PCDH15: variants seen among roughly 807,000 people sequenced by gnomAD.
PCDH15 encodes protocadherin-15.
In PCDH15, 129 loss-of-function variants were observed where a neutral mutation model predicts 178.5. The observed-to-expected ratio is 0.72, with a 90% CI of 0.63 to 0.84. The LOEUF (loss-of-function observed/expected upper bound fraction) is 0.84, where lower values mean the gene tolerates loss of function less well. PCDH15 is among the 40% of genes least tolerant of loss of function. The pLI is 0.00. For synonymous variants in PCDH15, 800 were observed against 732.0 expected (o/e 1.09, Z -1.50); for missense variants, 2,230 against 2,099.9 (o/e 1.06, Z -1.21).
At chr10:54,672,649 T>C (rs2094697002) in intron 1 of PCDH15, among the ~76,000 whole-genome samples, 1 of 152,200 alleles carries the variant, frequency 6.6e-6, no homozygotes, top group African/African-American at 2.4e-5. Flanking sequence ...GCCAACAATC[T>C]AAATGAGCTT....
intron 18 of PCDH15, among the ~76,000 whole-genome samples, chr10:54,034,669 A>G (rs1352272436): frequency 6.6e-6 from 1 of 151,904 alleles, no homozygotes; most frequent in East Asian, 1.9e-4. Context: ...CTTTTGAATT[A>G]GAAGTTATGA....
intron 2 of PCDH15, among the ~76,000 whole-genome samples, chr10:54,640,292 AT>A (rs544999278): frequency 0.014 from 2,029 of 146,256 alleles, 40 homozygotes; most frequent in African/African-American, 0.043. Context: ...CTTCCTGATA[AT>A]TTTTTTTTTT....
intron 3 of PCDH15, among the ~76,000 whole-genome samples, chr10:54,442,414 C>CTT (rs1491511066): frequency 0.095 from 1,807 of 19,040 alleles, 314 homozygotes; most frequent in Non-Finnish European, 0.12. Flanking sequence ...GCCTTAAAGG[C>CTT]TATATATATA....
intron 2 of PCDH15, among the ~76,000 whole-genome samples, chr10:55,074,143 C>T (rs1338336345): frequency 3.9e-5 from 6 of 151,966 alleles, no homozygotes; most frequent in Admixed American, 2.0e-4. Context: ...TCCATGTCTT[C>T]GCTATTGTGA....
chr10:54,152,521 A>G (rs770526213), intron 14 of PCDH15, among the ~76,000 whole-genome samples: 2 of 152,030 alleles, frequency 1.3e-5, no homozygotes, highest in Non-Finnish European at 2.9e-5. Context: ...TTCATTGTGA[A>G]TGGAAAAAAA....
intron 2 of PCDH15, among the ~76,000 whole-genome samples, chr10:54,952,431 GT>G (rs1175982354): frequency 1.3e-5 from 2 of 151,750 alleles, no homozygotes; most frequent in Non-Finnish European, 2.9e-5. Flanking sequence ...TTGAAGTCAG[GT>G]TGTGTTGTTT....
intron 2 of PCDH15, among the ~76,000 whole-genome samples, chr10:55,080,800 C>T (rs959280123): frequency 1.3e-5 from 2 of 152,164 alleles, no homozygotes; most frequent in African/African-American, 4.8e-5. Flanking sequence ...TGCTCACTTT[C>T]TACATGTGAG....
intron 1 of PCDH15, among the ~76,000 whole-genome samples, chr10:55,237,591 A>G (rs1295770307): frequency 6.6e-6 from 1 of 152,122 alleles, no homozygotes; most frequent in Non-Finnish European, 1.5e-5. Flanking sequence ...CAAAGAGATC[A>G]TTCTAAATTT....
chr10:53,810,611 T>C lies in PCDH15; in HGVS notation c.4616A>G (p.Gln1539Arg), dbSNP rs868658176. The C allele has an allele frequency of 3.7e-6, 6 of 1,613,762 alleles. No individual in the cohort carries two copies. The Admixed American group carries it at 6.7e-5, about 18-fold the overall frequency. Residue 1539 changes from glutamine to arginine, a missense_variant, in exon 37 of 38, where the codon CAG (glutamine) becomes CGG (arginine). Gln to Arg is a conservative substitution (Grantham distance 43). Transcript: ENST00000644397. ...SRRRLLPPAG[Q>R]EEYGEVVGEA... Reference sequence around the variant, plus strand: ...ACCAACCACCTCACCATATTCCTCCTGTCCAGCTGGTGGTAACAATCGACG... The same window carrying C: ...ACCAACCACCTCACCATATTCCTCCCGTCCAGCTGGTGGTAACAATCGACG...
At chr10:54,933,859 T>C (rs1370847059) in intron 2 of PCDH15, among the ~76,000 whole-genome samples, 3 of 152,156 alleles carry the variant, frequency 2.0e-5, no homozygotes, top group African/African-American at 7.2e-5. Context: ...ATTAAATCCT[T>C]ATCCGTAGAC....
intron 2 of PCDH15, among the ~76,000 whole-genome samples, chr10:54,542,474 G>A (rs560345650): frequency 1.3e-5 from 2 of 152,232 alleles, no homozygotes; most frequent in South Asian, 4.1e-4. Context: ...GGAATGAGTA[G>A]GGACTGTGGC....
In PCDH15 at chr10:55,281,466, G is replaced by A. The variant is rs185605974; in HGVS notation, c.-156+38133C>T. Among the ~76,000 whole-genome samples the A allele has an allele frequency of 2.3e-3, 335 of 148,716 alleles. 2 individuals are homozygous for A. The highest frequency in any genetic ancestry group is 6.7e-3 in the African/African-American group (271 of 40,240). On this transcript the variant is annotated intron_variant, in intron 1 of 5. Coordinates refer to the PCDH15 transcript ENST00000458638. ...TTTTAATAAAACTCTTACCATCTCC[G>A]ACATGAGAATCTCTCTTTTTCTTTC...
At chr10:53,812,455 A>G (rs1426275100) in intron 35 of PCDH15, among the ~76,000 whole-genome samples, 1 of 151,936 alleles carries the variant, frequency 6.6e-6, no homozygotes, top group Non-Finnish European at 1.5e-5. Context: ...CCTCGTGATC[A>G]GCCCCAATCG....
intron 2 of PCDH15, among the ~76,000 whole-genome samples, chr10:55,081,091 T>G (rs1190436295): frequency 6.6e-6 from 1 of 152,106 alleles, no homozygotes; most frequent in African/African-American, 2.4e-5. Context: ...AGGAGGCTTC[T>G]TATGGTCAGG....
intron 1 of PCDH15, among the ~76,000 whole-genome samples, chr10:54,685,554 A>G (rs890794211): frequency 1.3e-5 from 2 of 152,180 alleles, no homozygotes; most frequent in Non-Finnish European, 2.9e-5. Flanking sequence ...CCACCATTGT[A>G]TATGTTGTAC....
chr10:55,190,274 A>C (rs1363664946), intron 1 of PCDH15, among the ~76,000 whole-genome samples: 1 of 150,334 alleles, frequency 6.7e-6, no homozygotes, highest in Non-Finnish European at 1.5e-5. Flanking sequence ...TAAAAAAAAA[A>C]CTTCTGCTGT....
At chr10:53,973,380 T>G (rs2089921829) in intron 21 of PCDH15, among the ~76,000 whole-genome samples, 1 of 151,992 alleles carries the variant, frequency 6.6e-6, no homozygotes, top group Admixed American at 6.6e-5. Context: ...ACGTGGCACA[T>G]GTATACATAT....
intron 2 of PCDH15, among the ~76,000 whole-genome samples, chr10:55,422,815 G>T (rs996510885): frequency 6.6e-6 from 1 of 151,724 alleles, no homozygotes; most frequent in Non-Finnish European, 1.5e-5. Context: ...CCTATAAAAG[G>T]TAGACATTAA....
chr10:55,055,140 G>A (rs1447215070), intron 2 of PCDH15, among the ~76,000 whole-genome samples: 3 of 152,090 alleles, frequency 2.0e-5, no homozygotes, highest in South Asian at 2.1e-4. Context: ...CAGTTTTATA[G>A]GTTTGGGTTT....
Sources: gnomAD v4.1 joint callset for allele counts (sites outside exome capture counted in the v4.1 genomes callset) on GRCh38, gnomAD v4.1.1 for gene constraint, MANE v1.5 for transcripts, NCBI Gene and HGNC (gene_info 2026-07-23, HGNC 2026-07-21) for gene names.